BORA: variants seen among roughly 807,000 people sequenced by gnomAD.
BORA encodes the protein protein aurora borealis.
Under a neutral mutation model 55.8 loss-of-function variants are expected in BORA, and 26 were observed. That is an observed-to-expected ratio of 0.47 (90% CI 0.34 to 0.65). The LOEUF (loss-of-function observed/expected upper bound fraction) is 0.65. BORA is among the 30% of genes least tolerant of loss of function. The pLI, the probability that BORA is intolerant of heterozygous loss-of-function variation, is 0.01. For missense variants in BORA, 568 were observed against 671.5 expected, an observed-to-expected ratio of 0.85 and a Z score of 1.70; for synonymous variants, 201 against 216.9, an observed-to-expected ratio of 0.93 and a Z score of 0.64.
intron 5 of BORA, among the ~76,000 whole-genome samples, chr13:72,742,783 C>T (rs879787898): frequency 0.011 from 1,257 of 115,136 alleles, 17 homozygotes; most frequent in Middle Eastern, 0.023. Flanking sequence ...CACACACACA[C>T]ACACACACAC....
In BORA at chr13:72,756,178, T is replaced by TAATTCATATGTACCCTTAGG. The variant is rs1555273819; in HGVS notation, c.*964_*965insTTCATATGTACCCTTAGGAA. On this transcript the variant is annotated 3_prime_UTR_variant, in exon 12 of 12. Coordinates refer to ENST00000390667, the MANE Select transcript of BORA (RefSeq NM_024808.5). The stretch of plus-strand genomic sequence containing the variant: ...AAAAACTGTCTCATTCAAAAGGGAA[T>TAATTCATATGTACCCTTAGG]AAAGACCTGTGTTATCAATGTGTCA... 2.7e-6 allele frequency: 1 copy of TAATTCATATGTACCCTTAGG among 365,622 alleles called. No homozygotes were observed. Among genetic ancestry groups the TAATTCATATGTACCCTTAGG allele is most frequent in the Non-Finnish European group, 4.8e-6 (1 of 206,392 alleles). The allele number at this position is 365,622 out of a possible 1,614,324, so 22.6% of individuals were successfully genotyped here. A position where few individuals can be genotyped will look rare whatever the true frequency, so the allele number is the denominator to read the frequency against.
Position 72,753,568 on chromosome 13 carries a change from G to A in BORA, c.1483-122G>A, listed in dbSNP as rs367900214. 2.9e-4 allele frequency: 296 copies of A among 1,029,542 alleles called. No homozygotes were observed. The African/African-American group carries it at 4.1e-3, about 14-fold the overall frequency. 63.8% of individuals were successfully genotyped at this position (1,029,542 alleles called of 1,614,324 possible). On this transcript the variant is annotated intron_variant, in intron 10 of 11. Transcript: ENST00000390667. ...ATTACTTTTGAATTTTGTTCAACAT[G>A]ATCAATATTACATGTTAGGATCATT...
intron 10 of BORA, chr13:72,752,233 A>G (rs2138108031): frequency 6.6e-6 from 1 of 152,320 alleles, no homozygotes; most frequent in Non-Finnish European, 1.5e-5. Context: ...ATAGCAGTGA[A>G]TAGAACATGA....
intron 10 of BORA, chr13:72,752,780 A>G (rs2033312301): frequency 3.2e-5 from 1 of 31,214 alleles, no homozygotes; most frequent in Non-Finnish European, 5.8e-5. Flanking sequence ...TAAGTGATAA[A>G]GAGTGCCGTT....
At chr13:72,728,239 T>C in intron 1 of BORA, 1 of 711,982 alleles carries the variant, frequency 1.4e-6, no homozygotes, top group Non-Finnish European at 2.5e-6. Context: ...AAGTAGACTC[T>C]TTTCCACCCC....
intron 5 of BORA, among the ~76,000 whole-genome samples, chr13:72,740,890 T>C (rs2033021408): frequency 6.6e-6 from 1 of 152,216 alleles, no homozygotes; most frequent in African/African-American, 2.4e-5. Flanking sequence ...TTACTTAGCT[T>C]TTCTGTGCCT....
Position 72,746,595 on chromosome 13 carries a change from T to G in BORA, c.966T>G (p.Asp322Glu), listed in dbSNP as rs903352644. Reference sequence around the variant, plus strand: ...CGTGTATCAGAAGTCCTTATATAGATGGCTGCTCGCCAATTAAAAATTGGT... The same window carrying G: ...CGTGTATCAGAAGTCCTTATATAGAGGGCTGCTCGCCAATTAAAAATTGGT... ...TNPCIRSPYIDGCSPIKNWSP... is the reference protein window; with the variant it reads ...TNPCIRSPYIEGCSPIKNWSP... Residue 322 changes from aspartate to glutamate, a missense_variant, in exon 10 of 12, where the codon GAT becomes GAG. Physicochemically the swap from Asp to Glu is conservative, Grantham distance 45 (BLOSUM62 2). Transcript: ENST00000390667. 3.1e-6 allele frequency: 5 copies of G among 1,614,024 alleles called. No individual in the cohort carries two copies. Among genetic ancestry groups the G allele is most frequent in the Non-Finnish European group, 3.4e-6 (4 of 1,180,006 alleles).
intron 11 of BORA, chr13:72,754,670 TCTATCTAAA>T (rs1386477443): frequency 6.6e-6 from 1 of 152,458 alleles, no homozygotes; most frequent in Non-Finnish European, 1.5e-5. Context: ...GATGCAGTTG[TCTATCTAAA>T]CATAAGTAGA....
intron 5 of BORA, among the ~76,000 whole-genome samples, chr13:72,738,546 T>C (rs1239262844): frequency 1.3e-5 from 2 of 152,192 alleles, no homozygotes; most frequent in African/African-American, 4.8e-5. Flanking sequence ...CTAACAATTA[T>C]CTTTCTACCT....
At chr13:72,743,223 T>C (rs2033071563) in intron 5 of BORA, among the ~76,000 whole-genome samples, 1 of 152,180 alleles carries the variant, frequency 6.6e-6, no homozygotes, top group Non-Finnish European at 1.5e-5. Flanking sequence ...TGATTTGCTC[T>C]TGTCATAGTG....
intron 11 of BORA, chr13:72,754,087 C>G (rs2033364439): frequency 3.5e-6 from 1 of 283,388 alleles, no homozygotes; most frequent in Non-Finnish European, 6.6e-6. Context: ...TATATTCATA[C>G]TTGAAGAAAC....
rs746553161 is a variant in BORA, at chr13:72,753,679, T to G, written c.1483-11T>G. 6.2e-7 allele frequency: 1 copy of G among 1,600,328 alleles called. No individual in the cohort carries two copies. Among genetic ancestry groups the G allele is most frequent in the South Asian group, 1.1e-5 (1 of 86,988 alleles). Reference sequence around the variant, plus strand: ...CCTCACAATATATTTTTTTCTTTTTTCTCCTGTCAGATGGATAGTGGCTAT... The same window carrying G: ...CCTCACAATATATTTTTTTCTTTTTGCTCCTGTCAGATGGATAGTGGCTAT... On this transcript the variant is annotated splice_polypyrimidine_tract_variant and intron_variant, in intron 10 of 11. Transcript: ENST00000390667.
chr13:72,734,925 T>C, intron 3 of BORA, 35 bp from the exon 4 acceptor site: 2 of 1,442,364 alleles, frequency 1.4e-6, no homozygotes, highest in East Asian at 2.3e-5. Context: ...GCTTAAGTAA[T>C]AGCATGGTTA....
intron 3 of BORA, 133 bp from the exon 4 acceptor site, chr13:72,734,827 A>C (rs2032886006): frequency 3.3e-6 from 2 of 610,618 alleles, no homozygotes; most frequent in African/African-American, 3.7e-5. Flanking sequence ...TACCACTAGT[A>C]TTAATTATAA....
rs1242734264 is a variant in BORA at position 72,747,066 on chromosome 13, T to A, written c.1437T>A (p.Pro479=). 6.2e-7 allele frequency: 1 copy of A among 1,614,044 alleles called. No individual in the cohort carries two copies. Among genetic ancestry groups the A allele is most frequent in the South Asian group, 1.1e-5 (1 of 91,082 alleles). The change falls in exon 10 of 12, where the codon CCT becomes CCA. Residue 479 remains proline (P), a synonymous_variant. Coordinates refer to ENST00000390667, the MANE Select transcript of BORA (RefSeq NM_024808.5). Reference sequence around the variant, plus strand: ...AAAACTCTCATATGTGCATGTCACCTCTTGCTGAAAGCAGTGTCATTCCTT... The same window carrying A: ...AAAACTCTCATATGTGCATGTCACCACTTGCTGAAAGCAGTGTCATTCCTT... The part of the protein sequence containing the change: ...SIENSHMCMS[P]LAESSVIPCE...
intron 2 of BORA, 118 bp downstream of exon 2, chr13:72,729,211 T>C: frequency 2.4e-6 from 2 of 823,916 alleles, no homozygotes; most frequent in Non-Finnish European, 1.8e-6. Flanking sequence ...GGAGCATATA[T>C]AGCTGCAATA....
At chr13:72,754,314 C>CTTT in intron 11 of BORA, 1 of 140,640 alleles carries the variant, frequency 7.1e-6, no homozygotes, top group Non-Finnish European at 1.5e-5. Flanking sequence ...TCTTTTTTTT[C>CTTT]TTTTTTTTTT....
In BORA at chr13:72,746,903, A is replaced by T. The variant is rs200786277; in HGVS notation, c.1274A>T (p.Glu425Val). The change falls in exon 10 of 12, where the codon GAA becomes GTA. Residue 425 changes from glutamate to valine, a missense_variant. Transcript: ENST00000390667. ...EKELALLQDVEREKDNNTVDM... is the reference protein window; with the variant it reads ...EKELALLQDVVREKDNNTVDM... ...GAATTAGCACTGTTGCAGGATGTTG[A>T]AAGGGAGAAAGACAATAACACTGTG... is the stretch of plus-strand genomic sequence containing the variant. The T allele has an allele frequency of 1.5e-5, 25 of 1,614,148 alleles. No homozygotes were observed. In the Admixed American group the frequency reaches 2.5e-4, roughly 16 times the overall value.
chr13:72,733,915 T>C (rs1295745569), intron 3 of BORA, among the ~76,000 whole-genome samples: 1 of 152,224 alleles, frequency 6.6e-6, no homozygotes, highest in Non-Finnish European at 1.5e-5. Flanking sequence ...TGGACATGGA[T>C]GCAGCTGGAG....
Sources: allele counts gnomAD v4.1 joint callset (sites outside exome capture counted in the v4.1 genomes callset), GRCh38; gene constraint gnomAD v4.1.1; transcripts MANE v1.5; gene names NCBI Gene and HGNC (gene_info 2026-07-23, HGNC 2026-07-21).